Variants in ARHGEF4 observed in about 807,000 individuals in gnomAD.
ARHGEF4 encodes the protein Rho guanine nucleotide exchange factor 4.
A neutral mutation model predicts 162.0 loss-of-function variants in ARHGEF4; 119 were observed. That is an observed-to-expected ratio of 0.73 (90% CI 0.63 to 0.86). ARHGEF4 has a LOEUF of 0.86. Ranked by LOEUF, ARHGEF4 falls within the 40% of genes least tolerant of loss-of-function variation. The probability of loss-of-function intolerance (pLI) is 0.00; values close to 1 mark genes in which losing one functional copy is unlikely to be tolerated. For synonymous variants in ARHGEF4, 1,014 were observed against 979.9 expected, an observed-to-expected ratio of 1.03 and a Z score of -0.65; for missense variants, 2,488 against 2,456.0, an observed-to-expected ratio of 1.01 and a Z score of -0.28.
intron 1 of ARHGEF4, among the ~76,000 whole-genome samples, chr2:130,873,047 C>T (rs939602382): frequency 6.6e-6 from 1 of 152,232 alleles, no homozygotes; most frequent in African/African-American, 2.4e-5. Context: ...TGTGGGCACT[C>T]GTGCTCTTTT....
chr2:130,855,046 T>C (rs1681673817), intron 1 of ARHGEF4, among the ~76,000 whole-genome samples: 1 of 151,448 alleles, frequency 6.6e-6, no homozygotes, highest in African/African-American at 2.4e-5. Context: ...GCAAATTTTT[T>C]TTTTTGTATT....
intron 5 of ARHGEF4, among the ~76,000 whole-genome samples, chr2:131,030,441 C>T (rs766356276): frequency 6.0e-4 from 92 of 152,286 alleles, no homozygotes; most frequent in Non-Finnish European, 1.1e-3. Flanking sequence ...TCTCTCCTGG[C>T]ATTGGAGGTT....
chr2:130,889,662 A>C (rs976328758), intron 1 of ARHGEF4, among the ~76,000 whole-genome samples: 1 of 151,894 alleles, frequency 6.6e-6, no homozygotes, highest in African/African-American at 2.4e-5. Flanking sequence ...AATACAAAAA[A>C]TTAGCTGGGT....
At chr2:130,867,458 G>T (rs1045205446) in intron 1 of ARHGEF4, among the ~76,000 whole-genome samples, 1 of 151,850 alleles carries the variant, frequency 6.6e-6, no homozygotes, top group African/African-American at 2.4e-5. Flanking sequence ...GGCTGGTCTC[G>T]AACTCCTGAC....
intron 2 of ARHGEF4, among the ~76,000 whole-genome samples, chr2:130,924,626 TG>T (rs1682117434): frequency 6.6e-6 from 1 of 152,114 alleles, no homozygotes; most frequent in South Asian, 2.1e-4. Flanking sequence ...ATTTCAGGTT[TG>T]GGGGCAGAGA....
intron 4 of ARHGEF4, among the ~76,000 whole-genome samples, chr2:130,997,571 A>G (rs1687482130): frequency 6.6e-6 from 1 of 152,094 alleles, no homozygotes; most frequent in Non-Finnish European, 1.5e-5. Flanking sequence ...TCTCCATTAC[A>G]TAGAGTGTGC....
chr2:130,897,259 C>T (rs1441678092), intron 1 of ARHGEF4, among the ~76,000 whole-genome samples: 1 of 152,204 alleles, frequency 6.6e-6, no homozygotes, highest in African/African-American at 2.4e-5. Context: ...AACAGCCAGT[C>T]CCGGAAAGGC....
intron 1 of ARHGEF4, among the ~76,000 whole-genome samples, chr2:130,881,680 G>T (rs1272489781): frequency 6.6e-6 from 1 of 152,152 alleles, no homozygotes; most frequent in African/African-American, 2.4e-5. Flanking sequence ...TTCGGGAGAT[G>T]TAAGGAGGGA....
intron 1 of ARHGEF4, among the ~76,000 whole-genome samples, chr2:130,853,898 A>G (rs967454129): frequency 6.6e-6 from 1 of 152,108 alleles, no homozygotes. Context: ...TGAAGGATGG[A>G]CAGTCATACC....
intron 4 of ARHGEF4, among the ~76,000 whole-genome samples, chr2:130,967,286 A>G (rs1271143191): frequency 2.0e-5 from 3 of 152,188 alleles, no homozygotes; most frequent in Non-Finnish European, 4.4e-5. Flanking sequence ...CGAACACGAA[A>G]TATAGCTGAC....
intron 1 of ARHGEF4, among the ~76,000 whole-genome samples, chr2:130,902,508 C>T (rs1574193878): frequency 6.6e-6 from 1 of 152,060 alleles, no homozygotes; most frequent in East Asian, 1.9e-4. Flanking sequence ...GTGGGAGAAT[C>T]GCTTGAACCT....
chr2:130,911,223 A>G, intron 1 of ARHGEF4, among the ~76,000 whole-genome samples: 1 of 152,126 alleles, frequency 6.6e-6, no homozygotes. Context: ...GCTGTGGAAC[A>G]CTCACTGCAG....
chr2:130,953,248 C>T (rs1480633570), intron 4 of ARHGEF4, among the ~76,000 whole-genome samples: 1 of 152,104 alleles, frequency 6.6e-6, no homozygotes, highest in African/African-American at 2.4e-5. Flanking sequence ...TCAGAAATAA[C>T]ACCACACATC....
chr2:130,855,844 A>G (rs1404619568), intron 1 of ARHGEF4, among the ~76,000 whole-genome samples: 1 of 150,978 alleles, frequency 6.6e-6, no homozygotes, highest in East Asian at 2.0e-4. Flanking sequence ...AAACAAATAA[A>G]CAATTGACCA....
At chr2:130,859,475 G>A (rs1295626239) in intron 1 of ARHGEF4, among the ~76,000 whole-genome samples, 1 of 49,332 alleles carries the variant, frequency 2.0e-5, no homozygotes, top group African/African-American at 4.8e-5. Flanking sequence ...CAGGCCGAGT[G>A]TGGTGGCTCA....
intron 3 of ARHGEF4, among the ~76,000 whole-genome samples, chr2:130,934,597 C>A (rs1381264312): frequency 6.6e-6 from 1 of 152,140 alleles, no homozygotes; most frequent in Non-Finnish European, 1.5e-5. Context: ...GGCTAGAGTG[C>A]AGCAGCATGA....
chr2:130,875,669 G>A (rs115279904), intron 1 of ARHGEF4, among the ~76,000 whole-genome samples: 2,869 of 152,160 alleles, frequency 0.019, 41 homozygotes, highest in Non-Finnish European at 0.027. Flanking sequence ...CTTAGATTTC[G>A]CCACCTCCCA....
At chr2:130,882,738 C>T (rs1051819852) in intron 1 of ARHGEF4, among the ~76,000 whole-genome samples, 20 of 151,854 alleles carry the variant, frequency 1.3e-4, no homozygotes, top group African/African-American at 4.1e-4. Context: ...TACCCTCTCT[C>T]GGAGATTTTT....
chr2:131,036,084 A>C (rs1690255178), intron 5 of ARHGEF4, among the ~76,000 whole-genome samples: 1 of 152,220 alleles, frequency 6.6e-6, no homozygotes, highest in Non-Finnish European at 1.5e-5. Context: ...GCAGAGAGGC[A>C]GCCTGGACTC....
Sources: allele counts gnomAD v4.1 joint callset (sites outside exome capture counted in the v4.1 genomes callset), GRCh38; gene constraint gnomAD v4.1.1; transcripts MANE v1.5; gene names NCBI Gene and HGNC (gene_info 2026-07-23, HGNC 2026-07-21).